Variants in FANCC observed in about 807,000 individuals in gnomAD.
FANCC encodes the protein Fanconi anemia group C protein.
In FANCC, 55 loss-of-function variants were observed where a neutral mutation model predicts 71.3. The observed-to-expected ratio is 0.77, with a 90% CI of 0.62 to 0.97. The LOEUF is 0.97. Ranked by LOEUF, FANCC falls within the 50% of genes least tolerant of loss-of-function variation. The probability of loss-of-function intolerance (pLI) is 0.00; values close to 1 mark genes in which losing one functional copy is unlikely to be tolerated. For missense variants in FANCC, 678 were observed against 670.9 expected, an observed-to-expected ratio of 1.01 and a Z score of -0.12; for synonymous variants, 275 against 244.9, an observed-to-expected ratio of 1.12 and a Z score of -1.15.
chr9:95,245,898 CA>C (rs140313312), intron 3 of FANCC, among the ~76,000 whole-genome samples: 32,307 of 115,966 alleles, frequency 0.28, 4,304 homozygotes, highest in Non-Finnish European at 0.37. Context: ...AACTCTGTCT[CA>C]AAAAAAAAAA....
chr9:95,204,132 A>G (rs994988157), intron 4 of FANCC, among the ~76,000 whole-genome samples: 4 of 152,254 alleles, frequency 2.6e-5, no homozygotes, highest in African/African-American at 9.6e-5. Flanking sequence ...CTTTATAGAC[A>G]AAAGGCCAGG....
chr9:95,266,408 A>G (rs532698448), intron 1 of FANCC, among the ~76,000 whole-genome samples: 1 of 152,336 alleles, frequency 6.6e-6, no homozygotes, highest in Admixed American at 6.5e-5. Flanking sequence ...TGACTGGCCA[A>G]TACTAACACA....
At chr9:95,197,714 T>A (rs1425811942) in intron 4 of FANCC, among the ~76,000 whole-genome samples, 1 of 152,180 alleles carries the variant, frequency 6.6e-6, no homozygotes, top group Non-Finnish European at 1.5e-5. Flanking sequence ...AGCTGACTCC[T>A]GAGGAAGGCC....
At chr9:95,311,744 T>TGTGTGTGTGTGTGA (rs371454385) in intron 1 of FANCC, among the ~76,000 whole-genome samples, 6 of 150,878 alleles carry the variant, frequency 4.0e-5, no homozygotes, top group African/African-American at 1.5e-4. Flanking sequence ...TGTGTGTGTG[T>TGTGTGTGTGTGTGA]GAAAAACCGC....
At chr9:95,312,162 C>G (rs1835445925) in intron 1 of FANCC, among the ~76,000 whole-genome samples, 1 of 152,188 alleles carries the variant, frequency 6.6e-6, no homozygotes, top group African/African-American at 2.4e-5. Flanking sequence ...ACAAACGTGT[C>G]TTTCGTCATG....
intron 13 of FANCC, chr9:95,110,514 AT>A: frequency 9.7e-7 from 1 of 1,030,632 alleles, no homozygotes; most frequent in Non-Finnish European, 1.2e-6. Flanking sequence ...GTGGGTTATA[AT>A]TTTTTCACAA....
intron 6 of FANCC, among the ~76,000 whole-genome samples, chr9:95,154,058 C>G (rs1206111692): frequency 6.6e-6 from 1 of 151,814 alleles, no homozygotes; most frequent in Non-Finnish European, 1.5e-5. Context: ...CCAGCCTGAT[C>G]AATATGGTGA....
chr9:95,111,801 G>A (rs1297800980), intron 12 of FANCC, among the ~76,000 whole-genome samples, 164 bp from the exon 13 acceptor site: 1 of 152,180 alleles, frequency 6.6e-6, no homozygotes, highest in Non-Finnish European at 1.5e-5. Context: ...CTGTCCAAAC[G>A]CCACTCTGCA....
At chr9:95,309,351 C>A (rs1270560762) in intron 1 of FANCC, among the ~76,000 whole-genome samples, 1 of 152,112 alleles carries the variant, frequency 6.6e-6, no homozygotes, top group Non-Finnish European at 1.5e-5. Flanking sequence ...ACTCTTACGG[C>A]CTATGATTGG....
chr9:95,152,633 T>C (rs1830242323), intron 6 of FANCC, among the ~76,000 whole-genome samples: 1 of 152,220 alleles, frequency 6.6e-6, no homozygotes, highest in Admixed American at 6.5e-5. Context: ...GTTTAGACTA[T>C]TTACTTTAAA....
At chr9:95,231,868 G>A (rs1446601877) in intron 4 of FANCC, among the ~76,000 whole-genome samples, 2 of 152,108 alleles carry the variant, frequency 1.3e-5, no homozygotes, top group Non-Finnish European at 2.9e-5. Flanking sequence ...CCAATTATTG[G>A]GTCTATGCCA....
chr9:95,253,112 G>A (rs1359327975), intron 1 of FANCC, among the ~76,000 whole-genome samples: 1 of 152,128 alleles, frequency 6.6e-6, no homozygotes, highest in Non-Finnish European at 1.5e-5. Context: ...AAATGTATCT[G>A]ATTGTTTTAA....
intron 4 of FANCC, among the ~76,000 whole-genome samples, chr9:95,225,029 A>G (rs1296767903): frequency 6.6e-6 from 1 of 152,236 alleles, no homozygotes; most frequent in Non-Finnish European, 1.5e-5. Context: ...CAGATCTGAT[A>G]GGAACAATAG....
intron 5 of FANCC, among the ~76,000 whole-genome samples, chr9:95,171,503 C>T (rs1290856963): frequency 2.0e-5 from 3 of 150,050 alleles, no homozygotes; most frequent in Non-Finnish European, 3.0e-5. Flanking sequence ...TCCAAAACAC[C>T]GGAATGGTTA....
At chr9:95,115,202 A>G (rs2072292290) in intron 11 of FANCC, among the ~76,000 whole-genome samples, 2 of 152,282 alleles carry the variant, frequency 1.3e-5, no homozygotes, top group Admixed American at 1.3e-4. Flanking sequence ...TTGGCCTCCC[A>G]AAGTGCTGGA....
At chr9:95,175,163 A>C (rs765712245) in intron 4 of FANCC, among the ~76,000 whole-genome samples, 1 of 152,142 alleles carries the variant, frequency 6.6e-6, no homozygotes, top group Admixed American at 6.5e-5. Context: ...AAGAGAATCC[A>C]GGCAACACTC....
At chr9:95,167,475 A>C (rs1464024196) in intron 6 of FANCC, among the ~76,000 whole-genome samples, 4 of 152,098 alleles carry the variant, frequency 2.6e-5, no homozygotes, top group African/African-American at 9.7e-5. Context: ...CAAGTGTCTT[A>C]GGCTTTCTTG....
At chr9:95,229,438 G>T (rs73537207) in intron 4 of FANCC, among the ~76,000 whole-genome samples, 1,726 of 152,162 alleles carry the variant, frequency 0.011, 31 homozygotes, top group African/African-American at 0.039. Flanking sequence ...GTCAGATTCT[G>T]GACACGTGTC....
intron 8 of FANCC, among the ~76,000 whole-genome samples, chr9:95,130,778 A>G (rs1250602677): frequency 6.6e-6 from 1 of 152,226 alleles, no homozygotes; most frequent in Non-Finnish European, 1.5e-5. Context: ...CTTTCTTCTT[A>G]AAAAGAAGAT....
Sources: gnomAD v4.1 joint callset for allele counts (sites outside exome capture counted in the v4.1 genomes callset) on GRCh38, gnomAD v4.1.1 for gene constraint, MANE v1.5 for transcripts, NCBI Gene and HGNC (gene_info 2026-07-23, HGNC 2026-07-21) for gene names.